The following ATRN variants were observed in gnomAD, a reference collection of about 807,000 sequenced individuals.
ATRN encodes the protein attractin.
ATRN carries 54 observed loss-of-function variants against 178.7 expected under a neutral mutation model. The observed-to-expected ratio is 0.30, with a 90% confidence interval of 0.24 to 0.38. The LOEUF (loss-of-function observed/expected upper bound fraction) is 0.38. Among genes scored for constraint, ATRN ranks in the 10% least tolerant of loss-of-function variants. The pLI is 1.00. For synonymous variants in ATRN, 636 were observed against 663.0 expected (o/e 0.96, Z 0.63); for missense variants, 1,443 against 1,815.1 (o/e 0.79, Z 3.73).
At chr20:3,545,535 T>C (rs1230384144) in intron 3 of ATRN, among the ~76,000 whole-genome samples, 1 of 152,188 alleles carries the variant, frequency 6.6e-6, no homozygotes. Flanking sequence ...TCAAATCTCA[T>C]TAGAAATACA....
At chr20:3,637,432 G>A (rs1292687815) in intron 26 of ATRN, among the ~76,000 whole-genome samples, 1 of 152,094 alleles carries the variant, frequency 6.6e-6, no homozygotes, top group Non-Finnish European at 1.5e-5. Flanking sequence ...TATTAGTCGA[G>A]TAAATGGACC....
At chr20:3,615,012 A>G (rs963672066) in intron 24 of ATRN, among the ~76,000 whole-genome samples, 1 of 151,994 alleles carries the variant, frequency 6.6e-6, no homozygotes, top group African/African-American at 2.4e-5. Context: ...CCATTTTTCT[A>G]TCGATGGATG....
intron 24 of ATRN, among the ~76,000 whole-genome samples, chr20:3,614,472 G>A (rs552200544): frequency 6.6e-6 from 1 of 152,152 alleles, no homozygotes; most frequent in South Asian, 2.1e-4. Context: ...TTATGTAAGA[G>A]GCCAGTGTTC....
chr20:3,647,665 T>C lies in ATRN; in HGVS notation c.*818T>C, dbSNP rs1064833. ...CCTAGACTTTAAATAGATCTAGCAA[T>C]TGGAAAGTTAGTAAGCCTAAGTTTT... On this transcript the variant is annotated 3_prime_UTR_variant, in exon 29 of 29. Transcript: ENST00000262919. The C allele has an allele frequency of 0.39, 58,741 of 152,014 alleles. 11,987 individuals carry two copies. The highest frequency in any genetic ancestry group is 0.51 in the African/African-American group (21,182 of 41,442). The allele number at this position is 152,014 out of a possible 1,614,324, so 9.4% of individuals were successfully genotyped here.
At chr20:3,492,620 G>A (rs538420953) in intron 1 of ATRN, among the ~76,000 whole-genome samples, 1 of 152,190 alleles carries the variant, frequency 6.6e-6, no homozygotes, top group South Asian at 2.1e-4. Context: ...ATCATAAATT[G>A]TTCATACATG....
intron 1 of ATRN, among the ~76,000 whole-genome samples, chr20:3,511,096 A>G (rs901949052): frequency 6.6e-6 from 1 of 152,218 alleles, no homozygotes; most frequent in Non-Finnish European, 1.5e-5. Context: ...AACCTTTGAG[A>G]TACAGCTAAT....
rs6107315 is a variant in ATRN at position 3,582,185 on chromosome 20, C to T, written c.2595C>T (p.Ser865=). The T allele has an allele frequency of 6.2e-7, 1 of 1,614,150 alleles. No individual in the cohort carries two copies. Among genetic ancestry groups the T allele is most frequent in the Non-Finnish European group, 8.5e-7 (1 of 1,180,010 alleles). The change falls in exon 16 of 29, where the codon TCC becomes TCT. Residue 865 remains serine (S), a synonymous_variant. Coordinates refer to ENST00000262919, the MANE Select transcript of ATRN (RefSeq NM_139321.3). The stretch of plus-strand genomic sequence containing the variant: ...TCGGCCTTCGGAAGATCAATGTGTC[C>T]TACTGGTGCTGGGAAGATATGTCCC... ...PWVGLRKINV[S]YWCWEDMSPF...
intron 1 of ATRN, among the ~76,000 whole-genome samples, chr20:3,516,438 A>T (rs2085207434): frequency 6.6e-6 from 1 of 152,172 alleles, no homozygotes; most frequent in Admixed American, 6.6e-5. Context: ...GAACTGAGAA[A>T]AAACACTGTC....
intron 14 of ATRN, 109 bp downstream of exon 14, chr20:3,577,106 G>C: frequency 7.4e-7 from 1 of 1,352,034 alleles, no homozygotes; most frequent in African/African-American, 1.5e-5. Flanking sequence ...AGCTAATTCT[G>C]TCCATTCATC....
chr20:3,589,806 G>A (rs867698471), intron 18 of ATRN, among the ~76,000 whole-genome samples: 1 of 152,186 alleles, frequency 6.6e-6, no homozygotes, highest in Non-Finnish European at 1.5e-5. Context: ...TCCCTCATTG[G>A]AAGAAGGAAG....
intron 11 of ATRN, among the ~76,000 whole-genome samples, chr20:3,572,024 A>G (rs2086133297): frequency 6.6e-6 from 1 of 152,012 alleles, no homozygotes; most frequent in Admixed American, 6.6e-5. Flanking sequence ...ATTTTTTTCC[A>G]TATGTTTAGT....
At chr20:3,545,096 A>G (rs571314390) in intron 3 of ATRN, among the ~76,000 whole-genome samples, 4 of 152,110 alleles carry the variant, frequency 2.6e-5, no homozygotes, top group African/African-American at 7.2e-5. Context: ...CTTGGGCACA[A>G]TGGCTCACGC....
At chr20:3,485,944 G>A (rs1430632152) in intron 1 of ATRN, among the ~76,000 whole-genome samples, 6 of 151,980 alleles carry the variant, frequency 3.9e-5, no homozygotes, top group Non-Finnish European at 8.8e-5. Context: ...GTGCTTGTGA[G>A]CTTTTCTTTT....
At chr20:3,620,072 C>G (rs1008910973) in intron 24 of ATRN, among the ~76,000 whole-genome samples, 94 of 152,112 alleles carry the variant, frequency 6.2e-4, no homozygotes, top group African/African-American at 2.2e-3. Flanking sequence ...TTCCTCTACC[C>G]TTATCCTTCC....
chr20:3,560,834 T>C lies in ATRN; in HGVS notation c.1376T>C (p.Val459Ala). 1 of 1,614,078 alleles carries C rather than the reference T, an allele frequency of 6.2e-7. No homozygotes were observed. Among genetic ancestry groups the C allele is most frequent in the South Asian group, 1.1e-5 (1 of 91,088 alleles). Residue 459 changes from valine (V) to alanine (A), a missense_variant, in exon 8 of 29, where the codon GTG becomes GCG. Physicochemically the swap from Val to Ala is moderately conservative, Grantham distance 64. Around this residue, in one of 4 missense-constraint regions of ATRN, gnomAD observed 862 missense variants for 972.1 expected, o/e 0.89. Coordinates refer to ENST00000262919, the MANE Select transcript of ATRN (RefSeq NM_139321.3). Reference sequence around the variant, plus strand: ...ATTGTTACACTGAAGAATGGCCGAGTGGTCATGCTGGTCATCTTTGGTCAC... The same window carrying C: ...ATTGTTACACTGAAGAATGGCCGAGCGGTCATGCTGGTCATCTTTGGTCAC... ...AHIVTLKNGR[V>A]VMLVIFGHCP...
chr20:3,474,655 C>T (rs756482413), intron 1 of ATRN, among the ~76,000 whole-genome samples: 1 of 150,726 alleles, frequency 6.6e-6, no homozygotes, highest in Non-Finnish European at 1.5e-5. Flanking sequence ...TGCAGTGAGC[C>T]GAGATCGCAC....
At chr20:3,559,615 A>G (rs2085924535) in intron 7 of ATRN, 132 bp downstream of exon 7, 1 of 668,690 alleles carries the variant, frequency 1.5e-6, no homozygotes, top group African/African-American at 1.8e-5. Context: ...GCATTATATA[A>G]TTGGCTAAGT....
chr20:3,566,280 C>T (rs2086034608), intron 11 of ATRN, among the ~76,000 whole-genome samples: 2 of 152,116 alleles, frequency 1.3e-5, no homozygotes, highest in African/African-American at 2.4e-5. Flanking sequence ...TCAAAAATGC[C>T]TGGCCCAAAC....
intron 28 of ATRN, among the ~76,000 whole-genome samples, chr20:3,646,136 G>T (rs1436159512): frequency 6.6e-6 from 1 of 152,168 alleles, no homozygotes. Flanking sequence ...TTTTACAAAT[G>T]AGGAAACTGA....
Sources: allele counts gnomAD v4.1 joint callset (sites outside exome capture counted in the v4.1 genomes callset), GRCh38; gene constraint gnomAD v4.1.1; regional missense constraint gnomAD v4.1.1; transcripts MANE v1.5; gene names NCBI Gene and HGNC (gene_info 2026-07-23, HGNC 2026-07-21).